Variants in ATRNL1 observed in about 807,000 individuals in gnomAD.
ATRNL1 encodes the protein attractin-like protein 1.
A neutral mutation model predicts 182.7 loss-of-function variants in ATRNL1; 95 were observed. That is an observed-to-expected ratio of 0.52 (90% CI 0.44 to 0.62). The LOEUF (loss-of-function observed/expected upper bound fraction) is 0.62. Among genes scored for constraint, ATRNL1 ranks in the 20% least tolerant of loss-of-function variants. The pLI is 0.00. For synonymous variants in ATRNL1, 576 were observed against 568.3 expected (o/e 1.01, Z -0.19); for missense variants, 1,471 against 1,679.5 (o/e 0.88, Z 2.17).
At chr10:115,372,239 A>T (rs1332516458) in intron 19 of ATRNL1, among the ~76,000 whole-genome samples, 3 of 152,098 alleles carry the variant, frequency 2.0e-5, no homozygotes, top group Non-Finnish European at 4.4e-5. Context: ...GAGTTGTTTG[A>T]GTTCCTTTTA....
At chr10:115,162,148 CA>C (rs61094740) in intron 6 of ATRNL1, among the ~76,000 whole-genome samples, 36 of 138,408 alleles carry the variant, frequency 2.6e-4, no homozygotes, top group East Asian at 4.3e-4. Flanking sequence ...CTGGCAATGA[CA>C]AAAAAAAAAC....
intron 20 of ATRNL1, among the ~76,000 whole-genome samples, chr10:115,408,989 A>T (rs1361641763): frequency 2.0e-5 from 3 of 151,972 alleles, no homozygotes; most frequent in African/African-American, 7.3e-5. Flanking sequence ...GTATATTTTG[A>T]AGTCTGGTAG....
intron 26 of ATRNL1, among the ~76,000 whole-genome samples, chr10:115,659,810 C>T (rs1377148261): frequency 2.0e-5 from 3 of 152,040 alleles, no homozygotes; most frequent in African/African-American, 7.2e-5. Context: ...GGGAATGTTC[C>T]AGCTCAAGAA....
intron 5 of ATRNL1, among the ~76,000 whole-genome samples, chr10:115,138,062 A>G (rs1484976460): frequency 6.6e-6 from 1 of 152,240 alleles, no homozygotes; most frequent in African/African-American, 2.4e-5. Flanking sequence ...CCAGCAGTGC[A>G]GTCAAACCTT....
chr10:115,600,009 C>T (rs538122143), intron 26 of ATRNL1, among the ~76,000 whole-genome samples: 1 of 152,052 alleles, frequency 6.6e-6, no homozygotes, highest in South Asian at 2.1e-4. Flanking sequence ...CCCAGGCAAC[C>T]ATGCGTGTGC....
chr10:115,421,421 T>C (rs1845645938), intron 20 of ATRNL1, among the ~76,000 whole-genome samples: 1 of 152,104 alleles, frequency 6.6e-6, no homozygotes. Flanking sequence ...TTACATTGCA[T>C]TACTAGGATG....
chr10:115,475,380 C>A (rs1554972901), intron 24 of ATRNL1, among the ~76,000 whole-genome samples: 1 of 151,380 alleles, frequency 6.6e-6, no homozygotes, highest in Non-Finnish European at 1.5e-5. Flanking sequence ...CACCTTTATA[C>A]CTATCAGTTT....
At position 115,735,521 on chromosome 10, in the gene ATRNL1, G is replaced by T. The variant is rs150312404; in HGVS notation, c.3903+8166G>T. Among the ~76,000 whole-genome samples, 1,012 of 152,172 alleles carry T rather than the reference G, an allele frequency of 6.7e-3. 12 individuals are homozygous for T. Among genetic ancestry groups the T allele is most frequent in the African/African-American group, 0.023 (958 of 41,538 alleles). ...ACATACCTATGATAAAGTGTAATTT[G>T]TAAATTAGGCACAATAAGAGATTAA... On this transcript the variant is annotated intron_variant, in intron 27 of 28. Transcript: ENST00000355044.
chr10:115,549,335 G>T (rs1852836520), intron 25 of ATRNL1, 123 bp from the exon 26 acceptor site: 6 of 515,686 alleles, frequency 1.2e-5, no homozygotes, highest in African/African-American at 2.0e-5. Flanking sequence ...TCATATTTTT[G>T]ATTGTTTACC....
At chr10:115,704,603 A>G (rs1555052559) in intron 26 of ATRNL1, among the ~76,000 whole-genome samples, 2 of 151,872 alleles carry the variant, frequency 1.3e-5, no homozygotes, top group African/African-American at 4.8e-5. Flanking sequence ...ATAAATATGA[A>G]CAATAACTAT....
chr10:115,756,983 C>G (rs1443398167), intron 27 of ATRNL1, among the ~76,000 whole-genome samples: 1 of 152,044 alleles, frequency 6.6e-6, no homozygotes, highest in Non-Finnish European at 1.5e-5. Flanking sequence ...ATTGCAACCC[C>G]TGCTTTTTTT....
chr10:115,259,015 T>G (rs1592338378), intron 10 of ATRNL1, among the ~76,000 whole-genome samples: 1 of 152,108 alleles, frequency 6.6e-6, no homozygotes, highest in East Asian at 1.9e-4. Context: ...GGCAGCCACC[T>G]GTATGAGGTG....
chr10:115,211,496 A>C (rs1849021582), intron 8 of ATRNL1, among the ~76,000 whole-genome samples: 1 of 151,802 alleles, frequency 6.6e-6, no homozygotes, highest in South Asian at 2.1e-4. Context: ...TTAGAAGTTT[A>C]ATTATGAGGT....
intron 26 of ATRNL1, among the ~76,000 whole-genome samples, chr10:115,573,183 G>C (rs28414370): frequency 0.4 from 61,167 of 151,994 alleles, 13,157 homozygotes; most frequent in Middle Eastern, 0.49. Context: ...TTATTGAGTG[G>C]TAGAGGTGGC....
At chr10:115,697,498 G>A (rs1371500239) in intron 26 of ATRNL1, among the ~76,000 whole-genome samples, 1 of 151,898 alleles carries the variant, frequency 6.6e-6, no homozygotes, top group Non-Finnish European at 1.5e-5. Flanking sequence ...GCTAATTTTT[G>A]TATTTTTTGT....
intron 28 of ATRNL1, among the ~76,000 whole-genome samples, chr10:115,892,014 G>A (rs1952091205): frequency 6.6e-6 from 1 of 152,112 alleles, no homozygotes. Context: ...CATGATATCT[G>A]TGATCAAGAT....
chr10:115,561,590 A>G (rs1853711202), intron 26 of ATRNL1, among the ~76,000 whole-genome samples: 1 of 151,746 alleles, frequency 6.6e-6, no homozygotes, highest in South Asian at 2.1e-4. Flanking sequence ...TTTTTAAACA[A>G]TTTACTTGAG....
At position 115,267,002 on chromosome 10, in the gene ATRNL1, A is replaced by G; in HGVS notation, c.1978A>G (p.Thr660Ala). The change falls in exon 12 of 29, where the codon ACA (threonine) becomes GCA (alanine). Residue 660 changes from threonine to alanine, a missense_variant. Physicochemically the swap from Thr to Ala is moderately conservative, Grantham distance 58. Coordinates refer to ENST00000355044, the MANE Select transcript of ATRNL1 (RefSeq NM_207303.4). Reference sequence around the variant, plus strand: ...TCTTAGAGCAAAGTGCCCTCCTAAAACAGGTAAATTTCTTTTTCTTTTCGT... The same window carrying G: ...TCTTAGAGCAAAGTGCCCTCCTAAAGCAGGTAAATTTCTTTTTCTTTTCGT... ...NILRAKCPPK[T>A]AASDDRCYRY... The G allele has an allele frequency of 1.3e-6, 2 of 1,594,994 alleles. No individual in the cohort carries two copies. Among genetic ancestry groups the G allele is most frequent in the South Asian group, 1.1e-5 (1 of 88,982 alleles).
At chr10:115,242,185 A>G (rs181506294) in intron 10 of ATRNL1, among the ~76,000 whole-genome samples, 9 of 152,138 alleles carry the variant, frequency 5.9e-5, no homozygotes, top group East Asian at 1.9e-4. Flanking sequence ...TGATAGAACT[A>G]GAGAAAGGAA....
Sources: allele counts gnomAD v4.1 joint callset (sites outside exome capture counted in the v4.1 genomes callset), GRCh38; gene constraint gnomAD v4.1.1; transcripts MANE v1.5; gene names NCBI Gene and HGNC (gene_info 2026-07-23, HGNC 2026-07-21).